The following MMP8 variants were observed in gnomAD, a reference collection of about 807,000 sequenced individuals.
The protein encoded by MMP8 is matrix metallopeptidase 8, also known as neutrophil collagenase.
MMP8 carries 67 observed loss-of-function variants against 51.2 expected under a neutral mutation model. The ratio of observed to expected loss-of-function variants is 1.31; its 90% confidence interval spans 1.08 to 1.60. MMP8 has a LOEUF of 1.60. Among genes scored for constraint, MMP8 ranks in the 40% most tolerant of loss-of-function variants. The pLI is 0.00. For missense variants in MMP8, 654 were observed against 558.1 expected (o/e 1.17, Z -1.73); for synonymous variants, 225 against 191.0 (o/e 1.18, Z -1.47).
rs1348139813 is a variant in MMP8 at position 102,721,372 on chromosome 11, G to A, written c.622+29C>T. 3 of 1,612,710 alleles carry A rather than the reference G, an allele frequency of 1.9e-6. No homozygotes were observed. The African/African-American group carries it at 4.0e-5, about 22-fold the overall frequency. ...TCTGTAAAAGGTTAATTCAGAAGCTGTGTGTGGACATAATCTTGATTAACT... is the reference window on the plus strand; with the variant it reads ...TCTGTAAAAGGTTAATTCAGAAGCTATGTGTGGACATAATCTTGATTAACT... On this transcript the variant is annotated intron_variant, in intron 4 of 9. Coordinates refer to ENST00000236826, the MANE Select transcript of MMP8 (RefSeq NM_002424.3).
In MMP8 at chr11:102,722,526, C is replaced by T; in HGVS notation, c.250G>A (p.Asp84Asn). ...CCACAGCGAGGCTTTTTCATCATGT[C>T]CAGAGTTTCCTCATTTGGCTTCCCC... is the stretch of plus-strand genomic sequence containing the variant. The part of the protein sequence containing the change: ...VTGKPNEETL[D>N]MMKKPRCGVP... The change falls in exon 2 of 10, where the codon GAC (aspartate) becomes AAC (asparagine). Residue 84 changes from aspartate to asparagine, a missense_variant. Coordinates refer to ENST00000236826, the MANE Select transcript of MMP8 (RefSeq NM_002424.3). The T allele has an allele frequency of 6.2e-7, 1 of 1,613,958 alleles. No individual in the cohort carries two copies. Among genetic ancestry groups the T allele is most frequent in the African/African-American group, 1.3e-5 (1 of 75,028 alleles).
intron 1 of MMP8, chr11:102,723,418 T>C (rs2134317758): frequency 2.4e-6 from 1 of 413,268 alleles, no homozygotes; most frequent in Admixed American, 2.7e-5. Context: ...CATTTTCTGT[T>C]GCTATAACAG....
intron 9 of MMP8, 81 bp downstream of exon 9, chr11:102,713,673 C>G (rs1360358641): frequency 8.0e-7 from 1 of 1,255,234 alleles, no homozygotes; most frequent in Admixed American, 2.1e-5. Flanking sequence ...TGACACTAAC[C>G]TGGTCAGCAT....
rs759686448 is a variant in MMP8 at position 102,724,806 on chromosome 11, A to G, written c.50T>C (p.Ile17Thr). ...AGAAGATACAGGAAAGGCCTTGGAA[A>G]TCTGCACATGGAGTAAGAGCAGAAA... ...LPFLLLLHVQ[I>T]SKAFPVSSKE... The change falls in exon 1 of 10, where the codon ATT (isoleucine) becomes ACT (threonine). Residue 17 changes from isoleucine (I) to threonine (T), a missense_variant. Coordinates refer to ENST00000236826, the MANE Select transcript of MMP8 (RefSeq NM_002424.3). The G allele has an allele frequency of 5.0e-6, 8 of 1,609,468 alleles. No individual in the cohort carries two copies. In the African/African-American group the frequency reaches 5.3e-5, roughly 11 times the overall value.
At chr11:102,722,334 C>T in intron 2 of MMP8, 95 bp downstream of exon 2, 1 of 1,299,882 alleles carries the variant, frequency 7.7e-7, no homozygotes, top group South Asian at 1.5e-5. Context: ...TATTTATCTA[C>T]TTGTTCCTAG....
chr11:102,716,726 G>C (rs370741718), intron 5 of MMP8, among the ~76,000 whole-genome samples: 10 of 152,120 alleles, frequency 6.6e-5, no homozygotes, highest in African/African-American at 2.4e-4. Flanking sequence ...TGACTTTTCA[G>C]TTCCTCTTTC....
intron 4 of MMP8, among the ~76,000 whole-genome samples, chr11:102,719,023 G>C (rs1263854913): frequency 6.6e-6 from 1 of 152,196 alleles, no homozygotes; most frequent in African/African-American, 2.4e-5. Context: ...AGCAGCCTCA[G>C]ATGGAGGGCT....
At position 102,722,536 on chromosome 11, in the gene MMP8, C is replaced by T. The variant is rs767397023; in HGVS notation, c.240G>A (p.Glu80=). The change falls in exon 2 of 10, where the codon GAG becomes GAA. Residue 80 remains glutamate (E), a synonymous_variant. Coordinates refer to ENST00000236826, the MANE Select transcript of MMP8 (RefSeq NM_002424.3). ...GCTTTTTCATCATGTCCAGAGTTTC[C>T]TCATTTGGCTTCCCCGTCACATTCA... ...FGLNVTGKPN[E]ETLDMMKKPR... 6.2e-7 allele frequency: 1 copy of T among 1,613,930 alleles called. No homozygotes were observed. Among genetic ancestry groups the T allele is most frequent in the Admixed American group, 1.7e-5 (1 of 59,998 alleles).
intron 6 of MMP8, among the ~76,000 whole-genome samples, 162 bp downstream of exon 6, chr11:102,716,140 C>T (rs1327904905): frequency 2.0e-5 from 3 of 151,884 alleles, no homozygotes; most frequent in Admixed American, 2.0e-4. Context: ...GCTCAGGGGG[C>T]TATGATAATC....
Position 102,713,363 on chromosome 11 carries a change from G to T in MMP8, c.1389C>A (p.Asn463Lys). 2 of 1,612,232 alleles carry T rather than the reference G, an allele frequency of 1.2e-6. No individual in the cohort carries two copies. Among genetic ancestry groups the T allele is most frequent in the Non-Finnish European group, 1.7e-6 (2 of 1,178,480 alleles). Residue 463 changes from asparagine (N) to lysine (K), a missense_variant, in exon 10 of 10, where the codon AAC becomes AAA. Coordinates refer to ENST00000236826, the MANE Select transcript of MMP8 (RefSeq NM_002424.3). Reference protein sequence around the residue: ...TRVARGNKWLNCRYG With the variant: ...TRVARGNKWLKCRYG ...TGATTTTGCTTCAGCCATATCTACA[G>T]TTAAGCCATTTATTGCCTCTTGCAA...
At chr11:102,713,920 T>C in intron 8 of MMP8, 63 bp from the exon 9 acceptor site, 2 of 1,215,108 alleles carry the variant, frequency 1.6e-6, no homozygotes, top group African/African-American at 1.6e-5. Context: ...AAAAATTTTT[T>C]TTATTGTATA....
chr11:102,721,016 A>G (rs1030072103), intron 4 of MMP8, among the ~76,000 whole-genome samples: 74 of 152,354 alleles, frequency 4.9e-4, no homozygotes, highest in African/African-American at 1.7e-3. Context: ...TTGTAAGCCA[A>G]ATGATCCATG....
At chr11:102,723,069 C>T (rs1349353729) in intron 1 of MMP8, 28 of 1,287,852 alleles carry the variant, frequency 2.2e-5, no homozygotes, top group Non-Finnish European at 2.8e-5. Flanking sequence ...GTAGAAAAGG[C>T]TTATTTATTC....
intron 4 of MMP8, among the ~76,000 whole-genome samples, chr11:102,720,272 A>C (rs898567175): frequency 3.9e-5 from 6 of 152,198 alleles, no homozygotes; most frequent in Admixed American, 2.0e-4. Flanking sequence ...GGCTTCCAAA[A>C]ACAAACCCTG....
chr11:102,718,522 C>A lies in MMP8; in HGVS notation c.676G>T (p.Ala226Ser). The A allele has an allele frequency of 1.9e-6, 3 of 1,613,824 alleles. No homozygotes were observed. The highest frequency in any genetic ancestry group is 2.2e-5 in the South Asian group (2 of 91,060). ...AHEFGHSLGLAHSSDPGALMY... is the reference protein window; with the variant it reads ...AHEFGHSLGLSHSSDPGALMY... ...AAGGCACCAGGGTCAGAGGAGTGAG[C>A]GAGCCCCAAAGAATGGCCAAATTCA... Residue 226 changes from alanine to serine, a missense_variant, in exon 5 of 10, where the codon GCT becomes TCT. By Grantham distance (99) the Ala-to-Ser change is moderately conservative. Coordinates refer to ENST00000236826, the MANE Select transcript of MMP8 (RefSeq NM_002424.3).
At position 102,724,928 on chromosome 11, in the gene MMP8, A is replaced by C. The variant is rs1861577281; in HGVS notation, c.-73T>G. 1.3e-6 allele frequency: 2 copies of C among 1,522,916 alleles called. No individual in the cohort carries two copies. Among genetic ancestry groups the C allele is most frequent in the Admixed American group, 3.9e-5 (2 of 50,686 alleles). 94.3% of individuals were successfully genotyped at this position (1,522,916 alleles called of 1,614,324 possible). Reference sequence around the variant, plus strand: ...TGGGTAGGGCCCTTCCCTGGCGAGCACCCTGACGTTCACAGCATCATGTGT... The same window carrying C: ...TGGGTAGGGCCCTTCCCTGGCGAGCCCCCTGACGTTCACAGCATCATGTGT... On this transcript the variant is annotated 5_prime_UTR_variant, in exon 1 of 10. Transcript: ENST00000236826.
chr11:102,720,993 A>C (rs1861451625), intron 4 of MMP8, among the ~76,000 whole-genome samples: 3 of 152,102 alleles, frequency 2.0e-5, no homozygotes, highest in Admixed American at 2.0e-4. Context: ...CCAGATAGCA[A>C]ATATTTTAGG....
intron 9 of MMP8, 126 bp downstream of exon 9, chr11:102,713,628 G>A (rs1861190469): frequency 3.9e-6 from 4 of 1,020,530 alleles, no homozygotes; most frequent in East Asian, 5.0e-5. Context: ...AACTCTGGGA[G>A]GCTGAGGTGG....
chr11:102,714,077 G>A (rs904914171), intron 8 of MMP8, among the ~76,000 whole-genome samples: 1 of 152,120 alleles, frequency 6.6e-6, no homozygotes, highest in African/African-American at 2.4e-5. Context: ...AGGCTTGATG[G>A]CTGACACACT....
Sources: gnomAD v4.1 joint callset for allele counts (sites outside exome capture counted in the v4.1 genomes callset) on GRCh38, gnomAD v4.1.1 for gene constraint, MANE v1.5 for transcripts, NCBI Gene and HGNC (gene_info 2026-07-23, HGNC 2026-07-21) for gene names.